The following KIF6 variants were observed in gnomAD, a reference collection of about 807,000 sequenced individuals.
The protein encoded by KIF6 is kinesin family member 6, also known as kinesin-like protein KIF6.
A neutral mutation model predicts 112.7 loss-of-function variants in KIF6; 106 were observed. The ratio of observed to expected loss-of-function variants is 0.94; its 90% CI spans 0.80 to 1.11. The LOEUF (loss-of-function observed/expected upper bound fraction) is 1.11. KIF6 is among the 50% of genes least tolerant of loss of function. The probability of loss-of-function intolerance (pLI) is 0.00; values close to 1 mark genes in which losing one functional copy is unlikely to be tolerated. For synonymous variants in KIF6, 339 were observed against 339.9 expected (o/e 1.00, Z 0.03); for missense variants, 929 against 964.0 (o/e 0.96, Z 0.48).
chr6:39,671,439 G>T (rs1218564713), intron 3 of KIF6, among the ~76,000 whole-genome samples: 1 of 152,194 alleles, frequency 6.6e-6, no homozygotes, highest in African/African-American at 2.4e-5. Context: ...CTCCGTGAGG[G>T]TATTGGTGTG....
intron 15 of KIF6, among the ~76,000 whole-genome samples, chr6:39,419,254 T>C (rs1213499409): frequency 6.9e-6 from 1 of 145,892 alleles, no homozygotes; most frequent in Non-Finnish European, 1.5e-5. Flanking sequence ...CATGGGAAGC[T>C]GAGGCAGGAG....
intron 6 of KIF6, among the ~76,000 whole-genome samples, chr6:39,603,244 T>C (rs1440970856): frequency 6.6e-6 from 1 of 152,100 alleles, no homozygotes; most frequent in African/African-American, 2.4e-5. Context: ...AAAATGTTCA[T>C]ATAGAAGGGG....
At chr6:39,674,655 C>T (rs1428141541) in intron 3 of KIF6, among the ~76,000 whole-genome samples, 1 of 151,720 alleles carries the variant, frequency 6.6e-6, no homozygotes, top group Non-Finnish European at 1.5e-5. Flanking sequence ...GAGTTCTGAT[C>T]AATACCCACT....
intron 6 of KIF6, among the ~76,000 whole-genome samples, chr6:39,609,119 A>G (rs1783054656): frequency 6.6e-6 from 1 of 152,170 alleles, no homozygotes; most frequent in Non-Finnish European, 1.5e-5. Flanking sequence ...AGGGGTAGAA[A>G]AGAAGGTCTC....
intron 13 of KIF6, among the ~76,000 whole-genome samples, chr6:39,454,225 G>T (rs2150411612): frequency 6.6e-6 from 1 of 152,146 alleles, no homozygotes; most frequent in Admixed American, 6.5e-5. Context: ...AAGAAAAAAA[G>T]AGGAAATATT....
intron 12 of KIF6, among the ~76,000 whole-genome samples, chr6:39,543,248 C>T (rs1778886191): frequency 6.6e-6 from 1 of 152,136 alleles, no homozygotes; most frequent in African/African-American, 2.4e-5. Context: ...AGAGCTCAGA[C>T]TGGGGCTGGG....
intron 3 of KIF6, among the ~76,000 whole-genome samples, chr6:39,693,417 T>G (rs1207195817): frequency 1.3e-5 from 2 of 152,202 alleles, no homozygotes; most frequent in African/African-American, 4.8e-5. Context: ...GAATTACATT[T>G]CCCTGAGTCA....
intron 10 of KIF6, among the ~76,000 whole-genome samples, chr6:39,565,962 A>C (rs917288362): frequency 6.6e-6 from 1 of 152,250 alleles, no homozygotes; most frequent in African/African-American, 2.4e-5. Context: ...GAACTTCTAC[A>C]AAGAGATGCA....
At position 39,330,125 on chromosome 6, in the gene KIF6, C is replaced by T. The variant is rs749326549; in HGVS notation, c.*6407G>A. On this transcript the variant is annotated 3_prime_UTR_variant, in exon 23 of 23. Coordinates refer to ENST00000287152, the MANE Select transcript of KIF6 (RefSeq NM_145027.6). ...CCAGGTAGTGCCATAAAAGAAATGC[C>T]ACACCAGCCAGCGGGAATGATCTCC... 2 of 152,174 alleles carry T rather than the reference C, an allele frequency of 1.3e-5. No homozygotes were observed. The highest frequency in any genetic ancestry group is 2.4e-5 in the African/African-American group (1 of 41,448). 9.4% of individuals were successfully genotyped at this position (152,174 alleles called of 1,614,324 possible).
chr6:39,623,774 G>A (rs1028211296), intron 5 of KIF6, among the ~76,000 whole-genome samples: 2 of 152,110 alleles, frequency 1.3e-5, no homozygotes, highest in African/African-American at 4.8e-5. Context: ...TAACTGCTAC[G>A]GAAGTTCCAG....
At chr6:39,553,365 T>G (rs994272170) in intron 10 of KIF6, among the ~76,000 whole-genome samples, 1 of 152,244 alleles carries the variant, frequency 6.6e-6, no homozygotes, top group Non-Finnish European at 1.5e-5. Context: ...AGCACAGTCA[T>G]GTAGTACCTC....
At chr6:39,436,172 GTC>G (rs1771515478) in intron 13 of KIF6, among the ~76,000 whole-genome samples, 1 of 151,994 alleles carries the variant, frequency 6.6e-6, no homozygotes. Flanking sequence ...TTTGAGAGAT[GTC>G]TCTTCATGTC....
At chr6:39,434,426 CT>C (rs1191798878) in intron 13 of KIF6, among the ~76,000 whole-genome samples, 1 of 151,248 alleles carries the variant, frequency 6.6e-6, no homozygotes, top group Non-Finnish European at 1.5e-5. Flanking sequence ...AAAAAATTAG[CT>C]GGGCATGGCA....
At chr6:39,572,413 A>G (rs747024383) in intron 10 of KIF6, among the ~76,000 whole-genome samples, 6 of 152,284 alleles carry the variant, frequency 3.9e-5, no homozygotes, top group South Asian at 2.1e-4. Flanking sequence ...CAAAGCACCT[A>G]TTAAAATGAT....
intron 13 of KIF6, among the ~76,000 whole-genome samples, chr6:39,538,780 T>C (rs28847950): frequency 0.44 from 62,124 of 141,568 alleles, 16,757 homozygotes; most frequent in African/African-American, 0.77. Context: ...ATGTTTATTG[T>C]GGCACTATTC....
intron 16 of KIF6, among the ~76,000 whole-genome samples, chr6:39,375,588 G>T (rs542867694): frequency 7.2e-5 from 11 of 152,262 alleles, no homozygotes; most frequent in African/African-American, 2.2e-4. Flanking sequence ...CCTGCCCTTG[G>T]ACGTTGGCAC....
intron 15 of KIF6, among the ~76,000 whole-genome samples, chr6:39,415,675 G>A (rs1245679339): frequency 6.6e-6 from 1 of 152,236 alleles, no homozygotes; most frequent in Non-Finnish European, 1.5e-5. Flanking sequence ...CATGCAGGAG[G>A]TAGGTCCAAA....
At chr6:39,723,961 C>A (rs1179586523) in intron 1 of KIF6, among the ~76,000 whole-genome samples, 5 of 152,056 alleles carry the variant, frequency 3.3e-5, no homozygotes, top group African/African-American at 1.2e-4. Context: ...CAGCTGGGTG[C>A]CTTGGTCACA....
At chr6:39,585,999 C>T (rs996789781) in intron 8 of KIF6, among the ~76,000 whole-genome samples, 2 of 152,166 alleles carry the variant, frequency 1.3e-5, no homozygotes, top group Non-Finnish European at 1.5e-5. Context: ...CATCAGTAGG[C>T]CTTCCAAAAT....
Sources: allele counts gnomAD v4.1 joint callset (sites outside exome capture counted in the v4.1 genomes callset), GRCh38; gene constraint gnomAD v4.1.1; transcripts MANE v1.5; gene names NCBI Gene and HGNC (gene_info 2026-07-23, HGNC 2026-07-21).